SLC4A10: variants seen among roughly 807,000 people sequenced by gnomAD.
The protein encoded by SLC4A10 is solute carrier family 4 member 10.
Under a neutral mutation model 137.7 loss-of-function variants are expected in SLC4A10, and 42 were observed. That is an observed-to-expected ratio of 0.30 (90% CI 0.24 to 0.39). The LOEUF is 0.39. SLC4A10 is among the 10% of genes least tolerant of loss of function. The pLI is 1.00. For synonymous variants in SLC4A10, 474 were observed against 464.1 expected (o/e 1.02, Z -0.27); for missense variants, 925 against 1,355.0 (o/e 0.68, Z 4.98).
At chr2:161,882,987 T>G (rs1477790231) in intron 10 of SLC4A10, among the ~76,000 whole-genome samples, 1 of 152,090 alleles carries the variant, frequency 6.6e-6, no homozygotes. Context: ...TGTAAAAAAT[T>G]TGTATGTAGA....
intron 15 of SLC4A10, among the ~76,000 whole-genome samples, chr2:161,923,191 C>A (rs934027323): frequency 2.6e-5 from 4 of 152,162 alleles, no homozygotes; most frequent in African/African-American, 9.7e-5. Flanking sequence ...TTTATATAAA[C>A]AAGATCGCTT....
intron 15 of SLC4A10, among the ~76,000 whole-genome samples, chr2:161,934,531 A>G (rs1045949388): frequency 6.6e-6 from 1 of 152,108 alleles, no homozygotes; most frequent in African/African-American, 2.4e-5. Flanking sequence ...GTATTTCATC[A>G]TATATATGTA....
At chr2:161,854,543 T>C (rs914112337) in intron 4 of SLC4A10, among the ~76,000 whole-genome samples, 2 of 152,076 alleles carry the variant, frequency 1.3e-5, no homozygotes, top group Admixed American at 6.6e-5. Context: ...TATAAGAAAA[T>C]TACCAAGAGA....
chr2:161,858,170 G>A (rs1459881371), intron 5 of SLC4A10, among the ~76,000 whole-genome samples: 1 of 152,132 alleles, frequency 6.6e-6, no homozygotes, highest in African/African-American at 2.4e-5. Flanking sequence ...AACGCTAAGT[G>A]TAAGAGCTTA....
chr2:161,914,508 A>G (rs1466606029), intron 15 of SLC4A10, among the ~76,000 whole-genome samples: 1 of 152,132 alleles, frequency 6.6e-6, no homozygotes, highest in Non-Finnish European at 1.5e-5. Flanking sequence ...CTACTATAAT[A>G]TATCACTTCT....
chr2:161,964,058 C>A, intron 21 of SLC4A10, 77 bp from the exon 22 acceptor site: 1 of 1,301,640 alleles, frequency 7.7e-7, no homozygotes, highest in Non-Finnish European at 1.0e-6. Flanking sequence ...AAATTGTGGA[C>A]CATATTAAAC....
At chr2:161,974,400 C>G in intron 24 of SLC4A10, 84 bp downstream of exon 24, 1 of 974,386 alleles carries the variant, frequency 1.0e-6, no homozygotes, top group Non-Finnish European at 1.4e-6. Context: ...TGTGTAGATC[C>G]TCAGAGAGGT....
chr2:161,933,976 C>T (rs1261513167), intron 15 of SLC4A10, among the ~76,000 whole-genome samples: 1 of 152,078 alleles, frequency 6.6e-6, no homozygotes. Context: ...CACCTCCTCG[C>T]CAACACTTGT....
At chr2:161,886,968 T>A (rs558542162) in intron 10 of SLC4A10, among the ~76,000 whole-genome samples, 2 of 151,568 alleles carry the variant, frequency 1.3e-5, no homozygotes, top group African/African-American at 2.4e-5. Context: ...CAAGCCCCAG[T>A]GTGTGATGTT....
At chr2:161,980,525 T>C (rs1700073206) in intron 26 of SLC4A10, among the ~76,000 whole-genome samples, 1 of 152,092 alleles carries the variant, frequency 6.6e-6, no homozygotes. Context: ...AACGCACACC[T>C]GTAATCCCAG....
In SLC4A10 at chr2:161,953,234, A is replaced by C. The variant is rs150174786; in HGVS notation, c.2541+2386A>C. ...TCTTTATCTCTCCCAAACATATTTTAGATCTTTTTACTTTTTCTTCACCTC... is the reference window on the plus strand; with the variant it reads ...TCTTTATCTCTCCCAAACATATTTTCGATCTTTTTACTTTTTCTTCACCTC... On this transcript the variant is annotated intron_variant, in intron 19 of 26. Coordinates refer to ENST00000446997, the MANE Select transcript of SLC4A10 (RefSeq NM_001178015.2). Among the ~76,000 whole-genome samples, 126 of 152,296 alleles carry C rather than the reference A, an allele frequency of 8.3e-4. 1 individual carries two copies. Among genetic ancestry groups the C allele is most frequent in the African/African-American group, 3.0e-3 (124 of 41,564 alleles).
At chr2:161,674,039 A>G (rs1196770586) in intron 1 of SLC4A10, among the ~76,000 whole-genome samples, 1 of 152,144 alleles carries the variant, frequency 6.6e-6, no homozygotes, top group Admixed American at 6.6e-5. Flanking sequence ...AAAAATCCAC[A>G]TTTAAAAATA....
chr2:161,837,490 A>G (rs2058891180), intron 3 of SLC4A10, among the ~76,000 whole-genome samples: 1 of 152,208 alleles, frequency 6.6e-6, no homozygotes, highest in South Asian at 2.1e-4. Flanking sequence ...GGGTTGGAAA[A>G]ATCATTACAC....
intron 1 of SLC4A10, among the ~76,000 whole-genome samples, chr2:161,658,999 TC>T (rs1290975659): frequency 2.0e-5 from 3 of 152,142 alleles, no homozygotes; most frequent in Non-Finnish European, 4.4e-5. Flanking sequence ...TGTGGAGATT[TC>T]TCAAAGAATT....
At chr2:161,833,824 T>C (rs1447680178) in intron 3 of SLC4A10, among the ~76,000 whole-genome samples, 2 of 152,220 alleles carry the variant, frequency 1.3e-5, no homozygotes, top group African/African-American at 2.4e-5. Flanking sequence ...CATCTGGTAT[T>C]GTTAAATGTT....
chr2:161,635,049 G>A lies in SLC4A10; in HGVS notation c.48+10483G>A, dbSNP rs544244081. Among the ~76,000 whole-genome samples the A allele has an allele frequency of 3.5e-3, 533 of 152,192 alleles. 4 individuals carry two copies. Among genetic ancestry groups the A allele is most frequent in the African/African-American group, 0.012 (509 of 41,548 alleles). On this transcript the variant is annotated intron_variant, in intron 1 of 26. Transcript: ENST00000446997. Reference sequence around the variant, plus strand: ...TATCAAGTTCAAGACACTTTTGTAAGTGATGATACCAGCCATTTAATTAAT... The same window carrying A: ...TATCAAGTTCAAGACACTTTTGTAAATGATGATACCAGCCATTTAATTAAT...
At chr2:161,868,924 C>T (rs971436906) in intron 6 of SLC4A10, among the ~76,000 whole-genome samples, 3 of 151,406 alleles carry the variant, frequency 2.0e-5, no homozygotes, top group Non-Finnish European at 4.4e-5. Flanking sequence ...AATAATTGAA[C>T]ATTGCAATGA....
chr2:161,674,035 C>A (rs1250408155), intron 1 of SLC4A10, among the ~76,000 whole-genome samples: 1 of 152,010 alleles, frequency 6.6e-6, no homozygotes, highest in Non-Finnish European at 1.5e-5. Flanking sequence ...TTGAAAAAAT[C>A]CACATTTAAA....
At chr2:161,825,190 TAC>T (rs1286298454) in intron 3 of SLC4A10, among the ~76,000 whole-genome samples, 2 of 152,192 alleles carry the variant, frequency 1.3e-5, no homozygotes, top group African/African-American at 4.8e-5. Context: ...AAAAGTTATA[TAC>T]AGATTTTCAG....
Sources: allele counts gnomAD v4.1 joint callset (sites outside exome capture counted in the v4.1 genomes callset), GRCh38; gene constraint gnomAD v4.1.1; transcripts MANE v1.5; gene names NCBI Gene and HGNC (gene_info 2026-07-23, HGNC 2026-07-21).